Variants in ASTN2 observed in about 807,000 individuals in gnomAD.
ASTN2 encodes the protein astrotactin 2, also known as astrotactin-2.
ASTN2 carries 54 observed loss-of-function variants against 139.8 expected under a neutral mutation model. The observed-to-expected ratio is 0.39, with a 90% confidence interval of 0.31 to 0.48. ASTN2 has a LOEUF of 0.48. Ranked by LOEUF, ASTN2 falls within the 20% of genes least tolerant of loss-of-function variation. The pLI is 0.95. For missense variants in ASTN2, 1,565 were observed against 1,725.1 expected (o/e 0.91, Z 1.64); for synonymous variants, 756 against 719.5 (o/e 1.05, Z -0.81).
At chr9:117,406,204 C>T (rs1325151280) in intron 1 of ASTN2, among the ~76,000 whole-genome samples, 1 of 152,234 alleles carries the variant, frequency 6.6e-6, no homozygotes, top group Non-Finnish European at 1.5e-5. Flanking sequence ...GCGTGAGACA[C>T]ATGAGGAAAC....
chr9:116,939,302 TACTC>T (rs1460639993), intron 10 of ASTN2, among the ~76,000 whole-genome samples: 2 of 152,150 alleles, frequency 1.3e-5, no homozygotes, highest in African/African-American at 2.4e-5. Flanking sequence ...ACACAGAAAA[TACTC>T]AATAAAATAA....
chr9:116,996,105 C>A lies in ASTN2; in HGVS notation c.1591+11987G>T, dbSNP rs373438467. Among the ~76,000 whole-genome samples, 10 of 152,160 alleles carry A rather than the reference C, an allele frequency of 6.6e-5. No individual in the cohort carries two copies. The East Asian group carries it at 1.6e-3, about 24-fold the overall frequency. ...CACCTTGAACTCAAGTTCACTTGAT[C>A]TCAAGTTCACTTGAACTCAAGTGAT... On this transcript the variant is annotated intron_variant, in intron 7 of 22. Coordinates refer to ENST00000313400, the MANE Select transcript of ASTN2 (RefSeq NM_001365068.1).
Position 116,953,240 on chromosome 9 carries a change from T to A in ASTN2, c.1889+21968A>T, listed in dbSNP as rs148011376. On this transcript the variant is annotated intron_variant, in intron 10 of 22. Transcript: ENST00000313400. ...TATCACATTTTACTGATAAGGAAAC[T>A]GAGGCCTAACAAGGTTAAGTGGGGT... Among the ~76,000 whole-genome samples, 216 of 152,372 alleles carry A rather than the reference T, an allele frequency of 1.4e-3. 1 individual carries two copies. The highest frequency in any genetic ancestry group is 4.9e-3 in the African/African-American group (205 of 41,588).
chr9:117,178,182 A>G (rs1830965177), intron 3 of ASTN2, among the ~76,000 whole-genome samples: 1 of 152,100 alleles, frequency 6.6e-6, no homozygotes, highest in Admixed American at 6.5e-5. Flanking sequence ...CTTGACCCTT[A>G]TCTCCATCCT....
chr9:116,605,041 A>AG (rs1855116748), intron 19 of ASTN2, among the ~76,000 whole-genome samples: 1 of 146,218 alleles, frequency 6.8e-6, no homozygotes, highest in South Asian at 4.1e-4. Flanking sequence ...GAATAAAAAG[A>AG]AGAGAGAGAG....
intron 17 of ASTN2, among the ~76,000 whole-genome samples, chr9:116,635,965 G>A (rs1312522928): frequency 6.6e-6 from 1 of 152,198 alleles, no homozygotes; most frequent in Non-Finnish European, 1.5e-5. Context: ...AGATGAAGTG[G>A]AAAATGATAG....
intron 3 of ASTN2, among the ~76,000 whole-genome samples, chr9:117,189,732 C>A (rs572433750): frequency 6.6e-6 from 1 of 152,152 alleles, no homozygotes; most frequent in Non-Finnish European, 1.5e-5. Context: ...GGCATCTTAA[C>A]TACTTTATCC....
chr9:116,443,168 C>A (rs1027397449), intron 20 of ASTN2, among the ~76,000 whole-genome samples: 1 of 152,112 alleles, frequency 6.6e-6, no homozygotes. Flanking sequence ...CCCATGAAAG[C>A]CTTCCTGAAG....
intron 4 of ASTN2, among the ~76,000 whole-genome samples, chr9:117,119,331 T>C (rs944227390): frequency 6.6e-6 from 1 of 152,218 alleles, no homozygotes; most frequent in Non-Finnish European, 1.5e-5. Flanking sequence ...AGGCATGGTG[T>C]GCTATTTCCC....
chr9:116,545,441 T>C (rs141984435), intron 19 of ASTN2, among the ~76,000 whole-genome samples: 10 of 152,340 alleles, frequency 6.6e-5, no homozygotes, highest in Non-Finnish European at 1.5e-4. Context: ...TTCAAAGCAG[T>C]AGAATCCACC....
intron 10 of ASTN2, among the ~76,000 whole-genome samples, chr9:116,908,492 T>C (rs908483888): frequency 2.0e-5 from 3 of 152,228 alleles, no homozygotes; most frequent in African/African-American, 7.2e-5. Context: ...CATAAAAACA[T>C]GATGGTCACC....
rs1465293739 is a variant in ASTN2 at position 116,975,238 on chromosome 9, A to T, written c.1859T>A (p.Val620Glu). ...ATCTGCAGGGTCTTCCGTGACGAGC[A>T]CATCGGTCTTGCAGCTGGCCAGGGG... ...INPLASCKTD[V>E]LVTEDPADVR... Residue 620 changes from valine to glutamate, a missense_variant, in exon 10 of 23, where the codon GTG (valine) becomes GAG (glutamate). By Grantham distance (121) the Val-to-Glu change is moderately radical. Transcript: ENST00000313400. 3.1e-6 allele frequency: 5 copies of T among 1,613,114 alleles called. No individual in the cohort carries two copies. The highest frequency in any genetic ancestry group is 4.2e-6 in the Non-Finnish European group (5 of 1,179,562).
Position 116,733,631 on chromosome 9 carries a change from T to C in ASTN2, c.2397-108A>G, listed in dbSNP as rs1159725750. On this transcript the variant is annotated intron_variant, in intron 13 of 22. Transcript: ENST00000313400. ...GTCAGAATAAAGACTCATGGTGGGG[T>C]GACTTTGCTGTAATGCCTCTGGTTT... is the stretch of plus-strand genomic sequence containing the variant. 21 of 1,425,344 alleles carry C rather than the reference T, an allele frequency of 1.5e-5. 1 individual carries two copies. The highest frequency in any genetic ancestry group is 2.0e-4 in the Middle Eastern group (1 of 5,114). 88.3% of individuals were successfully genotyped at this position (1,425,344 alleles called of 1,614,324 possible). A position where few individuals can be genotyped will look rare whatever the true frequency, so the allele number is the denominator to read the frequency against.
chr9:117,329,171 T>C (rs1384062584), intron 1 of ASTN2, among the ~76,000 whole-genome samples: 1 of 148,360 alleles, frequency 6.7e-6, no homozygotes, highest in Non-Finnish European at 1.5e-5. Flanking sequence ...CCTACTGCAC[T>C]TCCAAGTTCT....
chr9:117,282,054 T>G (rs1834338034), intron 2 of ASTN2, among the ~76,000 whole-genome samples: 1 of 152,198 alleles, frequency 6.6e-6, no homozygotes, highest in Non-Finnish European at 1.5e-5. Context: ...CCATGCTTTT[T>G]ATTCTCTGTT....
intron 1 of ASTN2, among the ~76,000 whole-genome samples, chr9:117,402,578 C>T (rs552257681): frequency 7.2e-5 from 11 of 152,072 alleles, no homozygotes; most frequent in Admixed American, 6.6e-5. Context: ...AGGTTTCCTA[C>T]GGGCTTCTGA....
chr9:116,778,366 G>C (rs1830136410), intron 13 of ASTN2, among the ~76,000 whole-genome samples: 1 of 150,656 alleles, frequency 6.6e-6, no homozygotes, highest in Non-Finnish European at 1.5e-5. Context: ...ATTTGGTCAT[G>C]TCTTTACTAG....
In ASTN2 at chr9:116,535,647, TG is replaced by T. The variant is rs1487416778; in HGVS notation, c.3356-48148del. 3.9e-5 allele frequency among the ~76,000 whole-genome samples: 6 copies of T among 152,328 alleles called. No individual in the cohort carries two copies. The South Asian group carries it at 1.0e-3, about 26-fold the overall frequency. ...GTTTCGCTGGATATGAAATTCTGGG[TG>T]GAAAATTCTTTTATTTAAGAATGTT... On this transcript the variant is annotated intron_variant, in intron 19 of 22. Coordinates refer to ENST00000313400, the MANE Select transcript of ASTN2 (RefSeq NM_001365068.1).
At chr9:117,273,585 A>T (rs1027909395) in intron 2 of ASTN2, among the ~76,000 whole-genome samples, 6 of 152,250 alleles carry the variant, frequency 3.9e-5, no homozygotes, top group African/African-American at 1.4e-4. Flanking sequence ...CACAAACAGC[A>T]GCAGCCAAAA....
Sources: allele counts gnomAD v4.1 joint callset (sites outside exome capture counted in the v4.1 genomes callset), GRCh38; gene constraint gnomAD v4.1.1; transcripts MANE v1.5; gene names NCBI Gene and HGNC (gene_info 2026-07-23, HGNC 2026-07-21).